The following CORIN variants were observed in gnomAD, a reference collection of about 807,000 sequenced individuals.
The protein encoded by CORIN is corin, serine peptidase, also known as atrial natriuretic peptide-converting enzyme.
Under a neutral mutation model 125.3 loss-of-function variants are expected in CORIN, and 117 were observed. The ratio of observed to expected loss-of-function variants is 0.93; its 90% CI spans 0.80 to 1.09. The LOEUF is 1.09. Among genes scored for constraint, CORIN ranks in the 50% least tolerant of loss-of-function variants. The probability of loss-of-function intolerance (pLI) is 0.00; values close to 1 mark genes in which losing one functional copy is unlikely to be tolerated. For synonymous variants in CORIN, 450 were observed against 466.4 expected (o/e 0.96, Z 0.45); for missense variants, 1,253 against 1,306.7 (o/e 0.96, Z 0.63).
At chr4:47,767,368 A>C (rs982019934) in intron 3 of CORIN, among the ~76,000 whole-genome samples, 1 of 148,226 alleles carries the variant, frequency 6.7e-6, no homozygotes, top group African/African-American at 2.5e-5. Flanking sequence ...AAAAAGAAAA[A>C]AAAAGAAAAA....
chr4:47,636,895 A>T (rs986218438), intron 16 of CORIN, among the ~76,000 whole-genome samples: 2 of 152,202 alleles, frequency 1.3e-5, no homozygotes, highest in Non-Finnish European at 2.9e-5. Flanking sequence ...GCAACTTTGG[A>T]AGTGGGTAAC....
intron 19 of CORIN, among the ~76,000 whole-genome samples, chr4:47,606,639 C>T (rs748537505): frequency 1.1e-4 from 16 of 150,370 alleles, no homozygotes; most frequent in Admixed American, 6.7e-5. Context: ...TTCTTTCCCT[C>T]CTTCCTTTCT....
intron 10 of CORIN, among the ~76,000 whole-genome samples, chr4:47,674,014 T>C (rs1273099603): frequency 3.9e-5 from 6 of 152,228 alleles, no homozygotes; most frequent in African/African-American, 1.4e-4. Flanking sequence ...TGGCTATTTC[T>C]ATGAACTTCA....
Position 47,594,547 on chromosome 4 carries a change from A to C in CORIN, c.*1174T>G, listed in dbSNP as rs1184437158. The C allele has an allele frequency of 6.6e-6, 1 of 152,456 alleles. No homozygotes were observed. Among genetic ancestry groups the C allele is most frequent in the Non-Finnish European group, 1.5e-5 (1 of 68,018 alleles). The allele number at this position is 152,456 out of a possible 1,614,324, so 9.4% of individuals were successfully genotyped here. On this transcript the variant is annotated 3_prime_UTR_variant, in exon 22 of 22. Coordinates refer to ENST00000273857, the MANE Select transcript of CORIN (RefSeq NM_006587.4). ...AATCATTTCTAAAATTTTAATTACC[A>C]ATGAGAAGAAACCAGATATTAAACA...
At chr4:47,670,693 G>A (rs1179103510) in intron 10 of CORIN, among the ~76,000 whole-genome samples, 2 of 152,202 alleles carry the variant, frequency 1.3e-5, no homozygotes, top group East Asian at 3.9e-4. Flanking sequence ...AGGCAGGAGA[G>A]ACATGCCCAG....
intron 21 of CORIN, among the ~76,000 whole-genome samples, chr4:47,597,251 C>T (rs1210786963): frequency 6.6e-6 from 1 of 151,374 alleles, no homozygotes; most frequent in Non-Finnish European, 1.5e-5. Flanking sequence ...ACGCTGGAGG[C>T]TGAGGCAGGA....
intron 2 of CORIN, among the ~76,000 whole-genome samples, chr4:47,791,594 G>T (rs746005014): frequency 7.2e-5 from 11 of 152,194 alleles, no homozygotes; most frequent in Admixed American, 2.0e-4. Flanking sequence ...GTTTTAGAGA[G>T]ATGGAAACTG....
chr4:47,747,005 C>A (rs575469080), intron 4 of CORIN, among the ~76,000 whole-genome samples: 1 of 152,144 alleles, frequency 6.6e-6, no homozygotes, highest in South Asian at 2.1e-4. Context: ...TAGGTGTGAG[C>A]CAGCCCACAG....
chr4:47,632,777 T>TAAA (rs1560481561), intron 16 of CORIN, among the ~76,000 whole-genome samples: 2 of 118,506 alleles, frequency 1.7e-5, no homozygotes, highest in Non-Finnish European at 3.5e-5. Context: ...AGATAGATAG[T>TAAA]TAGATAGATT....
At chr4:47,829,709 G>C (rs1380230169) in intron 1 of CORIN, among the ~76,000 whole-genome samples, 1 of 152,152 alleles carries the variant, frequency 6.6e-6, no homozygotes, top group Non-Finnish European at 1.5e-5. Context: ...AGTGGTGTCA[G>C]GAAAGATACC....
Position 47,595,461 on chromosome 4 carries a change from T to G in CORIN, c.*260A>C. ...CGATAATTTTGTGCTGCAGTCATGG[T>G]TAGGCCTGGCAAAAGGACAAAGTCT... On this transcript the variant is annotated 3_prime_UTR_variant, in exon 22 of 22. Transcript: ENST00000273857. 6.8e-5 allele frequency: 17 copies of G among 249,886 alleles called. No homozygotes were observed. Among genetic ancestry groups the G allele is most frequent in the East Asian group, 1.6e-4 (2 of 12,388 alleles). The allele number at this position is 249,886 out of a possible 1,614,324, so 15.5% of individuals were successfully genotyped here. A position where few individuals can be genotyped will look rare whatever the true frequency, so the allele number is the denominator to read the frequency against.
intron 3 of CORIN, among the ~76,000 whole-genome samples, chr4:47,782,399 A>AG (rs1553917874): frequency 6.6e-5 from 10 of 151,786 alleles, no homozygotes; most frequent in South Asian, 2.1e-4. Context: ...AAAAAAAAAA[A>AG]AAAGAAAGAA....
intron 4 of CORIN, among the ~76,000 whole-genome samples, chr4:47,754,422 T>C (rs1729044838): frequency 6.6e-6 from 1 of 152,190 alleles, no homozygotes; most frequent in Admixed American, 6.6e-5. Flanking sequence ...CTTCAGAATA[T>C]TTCTTTGGTA....
chr4:47,825,801 A>G (rs180734021), intron 1 of CORIN, among the ~76,000 whole-genome samples: 5 of 151,494 alleles, frequency 3.3e-5, no homozygotes, highest in Non-Finnish European at 7.4e-5. Context: ...CCCAGGCTCA[A>G]ATGATTCTGC....
At chr4:47,769,921 C>T (rs1729944648) in intron 3 of CORIN, among the ~76,000 whole-genome samples, 3 of 151,990 alleles carry the variant, frequency 2.0e-5, no homozygotes, top group Admixed American at 1.3e-4. Flanking sequence ...TAGAAGAATA[C>T]ATAGGGGGAA....
chr4:47,624,383 A>G (rs1722468524), intron 17 of CORIN, among the ~76,000 whole-genome samples: 1 of 152,180 alleles, frequency 6.6e-6, no homozygotes, highest in Admixed American at 6.5e-5. Context: ...TTTTATGCTT[A>G]TACAAAGTGG....
intron 5 of CORIN, 31 bp downstream of exon 5, chr4:47,744,371 T>C (rs764712236): frequency 6.3e-7 from 1 of 1,594,056 alleles, no homozygotes; most frequent in South Asian, 1.1e-5. Context: ...AATAAAATCT[T>C]CTAAAAATGA....
intron 12 of CORIN, among the ~76,000 whole-genome samples, chr4:47,656,544 T>A (rs1723990524): frequency 6.6e-6 from 1 of 152,198 alleles, no homozygotes; most frequent in Non-Finnish European, 1.5e-5. Flanking sequence ...AAAAATCATA[T>A]GATCATTTCA....
intron 3 of CORIN, among the ~76,000 whole-genome samples, chr4:47,766,114 A>C (rs1729723613): frequency 6.6e-6 from 1 of 152,196 alleles, no homozygotes; most frequent in African/African-American, 2.4e-5. Context: ...AATATCTGAC[A>C]TTTCAGTACC....
Sources: allele counts gnomAD v4.1 joint callset (sites outside exome capture counted in the v4.1 genomes callset), GRCh38; gene constraint gnomAD v4.1.1; transcripts MANE v1.5; gene names NCBI Gene and HGNC (gene_info 2026-07-23, HGNC 2026-07-21).